Variants in DDX60 observed in about 807,000 individuals in gnomAD.
DDX60 encodes DExD/H-box helicase 60, also known as probable ATP-dependent RNA helicase DDX60.
A neutral mutation model predicts 212.8 loss-of-function variants in DDX60; 165 were observed. The ratio of observed to expected loss-of-function variants is 0.78; its 90% confidence interval spans 0.68 to 0.88. The LOEUF (loss-of-function observed/expected upper bound fraction) is 0.88, where lower values mean the gene tolerates loss of function less well. Among genes scored for constraint, DDX60 ranks in the 40% least tolerant of loss-of-function variants. The pLI is 0.00. For missense variants in DDX60, 1,905 were observed against 2,003.9 expected (o/e 0.95, Z 0.94); for synonymous variants, 703 against 685.3 (o/e 1.03, Z -0.40).
At chr4:168,324,828 A>G in the DDX60 span, among the ~76,000 whole-genome samples, 4 of 152,222 alleles carry the variant, frequency 2.6e-5, no homozygotes, top group Non-Finnish European at 1.5e-5. Context: ...GATATCATCA[A>G]TGTATCGTAC....
chr4:168,238,441 AGGG>A (rs1428949975), intron 30 of DDX60, among the ~76,000 whole-genome samples: 39 of 84,860 alleles, frequency 4.6e-4, no homozygotes, highest in East Asian at 5.0e-4. Flanking sequence ...AGGGAAGGGA[AGGG>A]AAGGGAAGGG....
upstream of DDX60, among the ~76,000 whole-genome samples, chr4:168,322,481 T>C (rs1737626471): frequency 6.6e-6 from 1 of 152,206 alleles, no homozygotes; most frequent in African/African-American, 2.4e-5. Flanking sequence ...TTTCACTTTC[T>C]AACTCCAGTC....
At chr4:168,305,408 A>G (rs1231790626) in intron 5 of DDX60, among the ~76,000 whole-genome samples, 1 of 152,176 alleles carries the variant, frequency 6.6e-6, no homozygotes, top group African/African-American at 2.4e-5. Context: ...TGTCTCAAAA[A>G]TGATTTTGAT....
chr4:168,286,702 A>C (rs1449763701), intron 10 of DDX60, among the ~76,000 whole-genome samples: 1 of 152,030 alleles, frequency 6.6e-6, no homozygotes, highest in Non-Finnish European at 1.5e-5. Flanking sequence ...CTTAGCTATA[A>C]TGTTATAAAA....
chr4:168,246,352 C>G, intron 30 of DDX60, 66 bp downstream of exon 30: 1 of 1,590,182 alleles, frequency 6.3e-7, no homozygotes, highest in Non-Finnish European at 8.6e-7. Flanking sequence ...TCTAAAAGAA[C>G]AGCAGACCTG....
At chr4:168,235,765 A>C (rs1053360842) in intron 33 of DDX60, among the ~76,000 whole-genome samples, 1 of 152,106 alleles carries the variant, frequency 6.6e-6, no homozygotes, top group Non-Finnish European at 1.5e-5. Flanking sequence ...AATAAAATCG[A>C]AAAAGTGTTT....
At chr4:168,245,081 A>C (rs1008761337) in intron 30 of DDX60, among the ~76,000 whole-genome samples, 5 of 152,222 alleles carry the variant, frequency 3.3e-5, no homozygotes, top group Admixed American at 1.3e-4. Context: ...AAAATGGTTA[A>C]GATGGTAAAT....
chr4:168,236,472 C>T, intron 32 of DDX60, 99 bp from the exon 33 acceptor site: 1 of 1,105,516 alleles, frequency 9.0e-7, no homozygotes, highest in Non-Finnish European at 1.3e-6. Flanking sequence ...TTCATGGAAA[C>T]TAAAAATTTA....
intron 24 of DDX60, 36 bp downstream of exon 24, chr4:168,261,964 A>C (rs1413013161): frequency 1.3e-6 from 2 of 1,566,144 alleles, no homozygotes; most frequent in Non-Finnish European, 1.7e-6. Context: ...GAAAACAACA[A>C]AAATAAAGTT....
chr4:168,279,617 G>C (rs1032018199), intron 14 of DDX60, among the ~76,000 whole-genome samples: 2 of 152,228 alleles, frequency 1.3e-5, no homozygotes, highest in Non-Finnish European at 2.9e-5. Flanking sequence ...AGTGATATTC[G>C]AGACTTCCTG....
chr4:168,282,737 T>A (rs1230038556), intron 13 of DDX60, among the ~76,000 whole-genome samples: 1 of 152,126 alleles, frequency 6.6e-6, no homozygotes, highest in African/African-American at 2.4e-5. Flanking sequence ...GCCTCTAAAG[T>A]CAGATAATCA....
Position 168,245,980 on chromosome 4 carries a change from G to A in DDX60, c.4164+438C>T, listed in dbSNP as rs942389209. ...AGGGGCACTTTTTCCTTATTTCAACGTTCTACATTTCCCACATACTCCTAA... is the reference window on the plus strand; with the variant it reads ...AGGGGCACTTTTTCCTTATTTCAACATTCTACATTTCCCACATACTCCTAA... On this transcript the variant is annotated intron_variant, in intron 30 of 37. Coordinates refer to ENST00000393743, the MANE Select transcript of DDX60 (RefSeq NM_017631.6). 4.6e-5 allele frequency among the ~76,000 whole-genome samples: 7 copies of A among 151,704 alleles called. No individual in the cohort carries two copies. In the South Asian group the frequency reaches 6.2e-4, roughly 14 times the overall value.
At chr4:168,232,604 T>C (rs1021205886) in intron 33 of DDX60, among the ~76,000 whole-genome samples, 1 of 151,940 alleles carries the variant, frequency 6.6e-6, no homozygotes, top group African/African-American at 2.4e-5. Context: ...AAACATAAAA[T>C]GGGGAAAGGA....
intron 34 of DDX60, among the ~76,000 whole-genome samples, chr4:168,225,267 T>C (rs1315649582): frequency 2.0e-5 from 3 of 152,058 alleles, no homozygotes; most frequent in Non-Finnish European, 2.9e-5. Flanking sequence ...CTTCATCTCA[T>C]AGATGCCCTT....
intron 5 of DDX60, among the ~76,000 whole-genome samples, chr4:168,302,907 G>A (rs2149546680): frequency 6.6e-6 from 1 of 152,066 alleles, no homozygotes; most frequent in South Asian, 2.1e-4. Context: ...ATTTTCAATT[G>A]TATTTCACAT....
chr4:168,275,475 TTC>T lies in DDX60; in HGVS notation c.2172_2173del (p.Arg726GlufsTer2), dbSNP rs748788734. 5.8e-5 allele frequency: 93 copies of T among 1,608,856 alleles called. No individual in the cohort carries two copies. The East Asian group carries it at 2.1e-3, about 36-fold the overall frequency. ...AATGCCAACTGAATATTTATTCCTT[TTC>T]TTCACTTTTACATCATTTTCTGCAT... On this transcript the variant is annotated frameshift_variant, in exon 16 of 38. Transcript: ENST00000393743. LOFTEE classifies it high-confidence loss of function.
At chr4:168,300,039 TC>T (rs1346507831) in intron 6 of DDX60, among the ~76,000 whole-genome samples, 1 of 152,150 alleles carries the variant, frequency 6.6e-6, no homozygotes, top group Non-Finnish European at 1.5e-5. Context: ...ATGCAAAAAT[TC>T]TAAACAAAAT....
chr4:168,292,052 T>TC (rs1553970656), intron 7 of DDX60, 146 bp from the exon 8 acceptor site: 51 of 404,418 alleles, frequency 1.3e-4, no homozygotes, highest in South Asian at 5.4e-4. Context: ...TTTCTTTCTT[T>TC]TTTTTTTTTT....
intron 30 of DDX60, among the ~76,000 whole-genome samples, chr4:168,245,837 T>C (rs1039736410): frequency 1.3e-5 from 2 of 152,108 alleles, no homozygotes; most frequent in African/African-American, 4.8e-5. Flanking sequence ...TTTACAACCA[T>C]ATTTTGAAGT....
Sources: gnomAD v4.1 joint callset for allele counts (sites outside exome capture counted in the v4.1 genomes callset) on GRCh38, gnomAD v4.1.1 for gene constraint, MANE v1.5 for transcripts, NCBI Gene and HGNC (gene_info 2026-07-23, HGNC 2026-07-21) for gene names.